Variants in AKT2 observed in about 807,000 individuals in gnomAD.
The protein encoded by AKT2 is RAC-beta serine/threonine-protein kinase.
A neutral mutation model predicts 58.6 loss-of-function variants in AKT2; 16 were observed. The observed-to-expected ratio is 0.27, with a 90% CI of 0.18 to 0.41. The LOEUF is 0.41. Ranked by LOEUF, AKT2 falls within the 10% of genes least tolerant of loss-of-function variation. The pLI is 1.00. For synonymous variants in AKT2, 253 were observed against 254.0 expected, an observed-to-expected ratio of 1.00 and a Z score of 0.04; for missense variants, 438 against 661.0, an observed-to-expected ratio of 0.66 and a Z score of 3.70.
chr19:40,235,403 A>G lies in AKT2; in HGVS notation c.1176-53T>C. 2 of 1,575,660 alleles carry G rather than the reference A, an allele frequency of 1.3e-6. No homozygotes were observed. The highest frequency in any genetic ancestry group is 1.7e-6 in the Non-Finnish European group (2 of 1,147,774). On this transcript the variant is annotated intron_variant, in intron 11 of 13. Transcript: ENST00000392038. The surrounding 1 kb of genome is among the most constrained non-coding windows in gnomAD (Gnocchi z 6.3). Reference sequence around the variant, plus strand: ...CCTCCCGGAGCAGCTGGGTTCGGGCAGACGGGCTTTCGGAGCAGGCAGGCC... The same window carrying G: ...CCTCCCGGAGCAGCTGGGTTCGGGCGGACGGGCTTTCGGAGCAGGCAGGCC...
intron 4 of AKT2, among the ~76,000 whole-genome samples, chr19:40,251,906 G>C (rs556938580): frequency 1.3e-5 from 2 of 152,326 alleles, no homozygotes; most frequent in South Asian, 2.1e-4. Flanking sequence ...AGATGAAGCA[G>C]ACACGGTGAA....
chr19:40,267,590 C>T (rs1355603065), intron 1 of AKT2, among the ~76,000 whole-genome samples: 1 of 152,192 alleles, frequency 6.6e-6, no homozygotes, highest in South Asian at 2.1e-4. Context: ...CACCTATTAA[C>T]GCTAATGCAG....
At chr19:40,261,399 G>A (rs1975938076) in intron 2 of AKT2, among the ~76,000 whole-genome samples, 1 of 152,120 alleles carries the variant, frequency 6.6e-6, no homozygotes. Flanking sequence ...CAAGCATGGT[G>A]GCACACGCCT....
intron 2 of AKT2, among the ~76,000 whole-genome samples, chr19:40,263,274 C>T (rs1258756778): frequency 6.6e-6 from 1 of 152,252 alleles, no homozygotes; most frequent in African/African-American, 2.4e-5. Context: ...GCCCATGACC[C>T]TGTGTTCCCC....
intron 4 of AKT2, among the ~76,000 whole-genome samples, chr19:40,252,699 A>G (rs558065661): frequency 1.3e-5 from 2 of 152,236 alleles, no homozygotes; most frequent in East Asian, 3.9e-4. Context: ...CTCTGGTGAC[A>G]CAGAACCCCC....
chr19:40,268,656 C>T (rs1196700434), intron 1 of AKT2: 1 of 152,606 alleles, frequency 6.6e-6, no homozygotes, highest in Admixed American at 6.5e-5. Context: ...TTTTTACAAG[C>T]TCATCTCAGC....
intron 1 of AKT2, among the ~76,000 whole-genome samples, chr19:40,275,768 G>GGGGGA (rs1600109059): frequency 9.8e-6 from 1 of 101,868 alleles, no homozygotes. Flanking sequence ...GGAGGCTGGG[G>GGGGGA]GGGGGGGGGG....
chr19:40,262,460 C>T (rs753806864), intron 2 of AKT2, among the ~76,000 whole-genome samples: 43 of 152,288 alleles, frequency 2.8e-4, no homozygotes, highest in Admixed American at 1.3e-3. Context: ...CAGCATGGGG[C>T]GTGGCAGAGG....
intron 1 of AKT2, among the ~76,000 whole-genome samples, chr19:40,271,238 T>C (rs563966723): frequency 6.8e-6 from 1 of 146,250 alleles, no homozygotes; most frequent in East Asian, 2.0e-4. Flanking sequence ...CACACATATA[T>C]ATGTATATAT....
In AKT2 at chr19:40,230,797, C is replaced by G. The variant is rs1973666894; in HGVS notation, c.*3075G>C. ...GTGCCGCAATCATAGCTCACTGCAG[C>G]CTCAAACTCCTGGGCTCAAGTGATC... On this transcript the variant is annotated 3_prime_UTR_variant, in exon 14 of 14. Transcript: ENST00000392038. 1 of 193,128 alleles carries G rather than the reference C, an allele frequency of 5.2e-6. No homozygotes were observed. The highest frequency in any genetic ancestry group is 1.9e-4 in the South Asian group (1 of 5,156). 12.0% of individuals were successfully genotyped at this position (193,128 alleles called of 1,614,324 possible).
chr19:40,282,647 G>C (rs2077445117), intron 1 of AKT2: 1 of 407,402 alleles, frequency 2.5e-6, no homozygotes, highest in Non-Finnish European at 5.1e-6. Context: ...ACCCAGCCTG[G>C]AACCTGGTGA....
intron 1 of AKT2, among the ~76,000 whole-genome samples, chr19:40,271,653 G>A (rs535037001): frequency 1.3e-5 from 2 of 152,270 alleles, no homozygotes; most frequent in East Asian, 1.9e-4. Context: ...TGTGCTTGGA[G>A]GAATTTCTCC....
chr19:40,242,183 C>G lies in AKT2; in HGVS notation c.442-114G>C. 3 of 1,483,300 alleles carry G rather than the reference C, an allele frequency of 2.0e-6. No homozygotes were observed. Among genetic ancestry groups the G allele is most frequent in the Admixed American group, 1.8e-5 (1 of 55,746 alleles). 91.9% of individuals were successfully genotyped at this position (1,483,300 alleles called of 1,614,324 possible). A position where few individuals can be genotyped will look rare whatever the true frequency, so the allele number is the denominator to read the frequency against. On this transcript the variant is annotated intron_variant, in intron 5 of 13. Transcript: ENST00000392038. The surrounding 1 kb of genome is among the most constrained non-coding windows in gnomAD (Gnocchi z 4.3). ...AGACACTGTTGCCAAACGGCTTAGG[C>G]TGGAGCAGGAAGGGAGGCTCTGGGC...
chr19:40,245,224 C>G (rs1210894065), intron 4 of AKT2, among the ~76,000 whole-genome samples: 1 of 152,118 alleles, frequency 6.6e-6, no homozygotes, highest in African/African-American at 2.4e-5. Context: ...TTGGGATGAT[C>G]TGAGACTTCT....
At chr19:40,272,521 C>G (rs980211809) in intron 1 of AKT2, among the ~76,000 whole-genome samples, 1 of 152,186 alleles carries the variant, frequency 6.6e-6, no homozygotes, top group Non-Finnish European at 1.5e-5. Context: ...AGGCGGGATG[C>G]CTTTTCTGAA....
rs779909600 is a variant in AKT2, at chr19:40,235,269, C to G, written c.1257G>C (p.Gln419His). 6.2e-7 allele frequency: 1 copy of G among 1,614,082 alleles called. No individual in the cohort carries two copies. The highest frequency in any genetic ancestry group is 1.1e-5 in the South Asian group (1 of 91,080). The change falls in exon 12 of 14, where the codon CAG becomes CAC. Residue 419 changes from glutamine (Q) to histidine (H), a missense_variant. Transcript: ENST00000392038. This position sits in a 1 kb window ranked among gnomAD's most constrained non-coding sequence, Gnocchi z 6.3. The stretch of plus-strand genomic sequence containing the variant: ...GGCAAGCAGTGGGGCTCACCTTCTT[C>G]TGGACCACGTCCTGCCAGTTGATGC... ...FLSINWQDVVQKKLLPPFKPQ... is the reference protein window; with the variant it reads ...FLSINWQDVVHKKLLPPFKPQ...
intron 1 of AKT2, chr19:40,274,339 T>C (rs1171825190): frequency 6.5e-6 from 1 of 153,262 alleles, no homozygotes. Context: ...ACAGCATTTG[T>C]GCCAAGTGAA....
chr19:40,258,582 C>A (rs886160935), intron 2 of AKT2, among the ~76,000 whole-genome samples: 18 of 151,604 alleles, frequency 1.2e-4, no homozygotes, highest in African/African-American at 4.4e-4. Context: ...GGCAGAATCA[C>A]CTGAGCTCAA....
chr19:40,257,101 G>A lies in AKT2; in HGVS notation c.47-47C>T, dbSNP rs770085329. The stretch of plus-strand genomic sequence containing the variant: ...GGGAGAGAGGTTAGGACAAGGTTGA[G>A]TGATGTCCCAGGTAGGCGGCAGGAG... On this transcript the variant is annotated intron_variant, in intron 2 of 13. Transcript: ENST00000392038. The A allele has an allele frequency of 2.5e-6, 4 of 1,610,242 alleles. No homozygotes were observed. The South Asian group carries it at 4.4e-5, about 18-fold the overall frequency.
Sources: allele counts gnomAD v4.1 joint callset (sites outside exome capture counted in the v4.1 genomes callset), GRCh38; gene constraint gnomAD v4.1.1; non-coding constraint Gnocchi (gnomAD v3.1); transcripts MANE v1.5; gene names NCBI Gene and HGNC (gene_info 2026-07-23, HGNC 2026-07-21).